Variants in ABCB5 observed in about 807,000 individuals in gnomAD.
The protein encoded by ABCB5 is ATP-binding cassette sub-family B member 5.
Under a neutral mutation model 144.2 loss-of-function variants are expected in ABCB5, and 155 were observed. That is an observed-to-expected ratio of 1.08 (90% CI 0.94 to 1.23). The LOEUF is 1.23. ABCB5 is among the 50% of genes most tolerant of loss of function. The probability of loss-of-function intolerance (pLI) is 0.00; values close to 1 mark genes in which losing one functional copy is unlikely to be tolerated. For synonymous variants in ABCB5, 610 were observed against 528.6 expected, an observed-to-expected ratio of 1.15 and a Z score of -2.11; for missense variants, 1,830 against 1,520.8, an observed-to-expected ratio of 1.20 and a Z score of -3.38.
intron 25 of ABCB5, among the ~76,000 whole-genome samples, chr7:20,744,890 A>ATGGTGT (rs1782672457): frequency 6.6e-6 from 1 of 152,120 alleles, no homozygotes; most frequent in African/African-American, 2.4e-5. Flanking sequence ...CAAATATGAG[A>ATGGTGT]TGGTGTTGTT....
intron 24 of ABCB5, among the ~76,000 whole-genome samples, chr7:20,742,486 T>G (rs1782591620): frequency 1.3e-5 from 2 of 152,216 alleles, no homozygotes; most frequent in African/African-American, 4.8e-5. Context: ...ACATATAGTT[T>G]ATGAGAACCC....
chr7:20,708,048 G>T (rs1016673971), intron 20 of ABCB5, among the ~76,000 whole-genome samples: 1 of 151,708 alleles, frequency 6.6e-6, no homozygotes, highest in Non-Finnish European at 1.5e-5. Flanking sequence ...CTCGTGATCC[G>T]CCCGCCTCGG....
At chr7:20,620,886 T>C (rs1180834134) in intron 1 of ABCB5, among the ~76,000 whole-genome samples, 2 of 152,034 alleles carry the variant, frequency 1.3e-5, no homozygotes, top group Non-Finnish European at 2.9e-5. Context: ...CAATTCTACA[T>C]CTAAGTATAT....
At chr7:20,739,660 T>A (rs1169103891) in intron 24 of ABCB5, among the ~76,000 whole-genome samples, 1 of 152,150 alleles carries the variant, frequency 6.6e-6, no homozygotes, top group East Asian at 1.9e-4. Context: ...TTATACTGAA[T>A]TCTACTGAGA....
intron 20 of ABCB5, among the ~76,000 whole-genome samples, chr7:20,705,219 C>G (rs577642760): frequency 6.6e-6 from 1 of 152,234 alleles, no homozygotes; most frequent in East Asian, 1.9e-4. Context: ...TCTAACAATT[C>G]AGAGTCATGT....
At chr7:20,720,917 C>G (rs1186837244) in intron 20 of ABCB5, among the ~76,000 whole-genome samples, 2 of 122,118 alleles carry the variant, frequency 1.6e-5, no homozygotes, top group Non-Finnish European at 3.2e-5. Context: ...GCACTCCAGC[C>G]TGGGCGACAG....
intron 22 of ABCB5, among the ~76,000 whole-genome samples, chr7:20,727,488 A>G (rs1283206579): frequency 2.0e-5 from 3 of 152,218 alleles, no homozygotes; most frequent in Admixed American, 6.5e-5. Context: ...TAATCCCAGC[A>G]CTTTGGGAGG....
At chr7:20,662,005 C>A (rs1034022241) in intron 14 of ABCB5, among the ~76,000 whole-genome samples, 1 of 152,170 alleles carries the variant, frequency 6.6e-6, no homozygotes, top group Non-Finnish European at 1.5e-5. Flanking sequence ...AGCAGGTTTC[C>A]AAGCTGCCCC....
chr7:20,647,517 C>T lies in ABCB5; in HGVS notation c.982-18C>T. 2 of 1,532,522 alleles carry T rather than the reference C, an allele frequency of 1.3e-6. No individual in the cohort carries two copies. The highest frequency in any genetic ancestry group is 1.7e-6 in the Non-Finnish European group (2 of 1,143,024). The allele number at this position is 1,532,522 out of a possible 1,614,324, so 94.9% of individuals were successfully genotyped here. On this transcript the variant is annotated intron_variant, in intron 9 of 27. Transcript: ENST00000404938. Reference sequence around the variant, plus strand: ...TATAACTGCAGAAAGATAAATATCACTTTGTTTGTTCCTGTAGGTTTTCTT... The same window carrying T: ...TATAACTGCAGAAAGATAAATATCATTTTGTTTGTTCCTGTAGGTTTTCTT...
At chr7:20,651,071 G>A (rs1784567178) in intron 12 of ABCB5, among the ~76,000 whole-genome samples, 2 of 152,298 alleles carry the variant, frequency 1.3e-5, no homozygotes, top group Admixed American at 6.5e-5. Context: ...TAGAAGAAAT[G>A]TAAGGGTCAC....
intron 14 of ABCB5, chr7:20,659,678 A>G: frequency 1.0e-6 from 1 of 987,376 alleles, no homozygotes; most frequent in Non-Finnish European, 1.2e-6. Flanking sequence ...CTAATATTTT[A>G]TTCATTTTTT....
At chr7:20,714,041 G>C (rs983396270) in intron 20 of ABCB5, among the ~76,000 whole-genome samples, 1 of 152,176 alleles carries the variant, frequency 6.6e-6, no homozygotes, top group African/African-American at 2.4e-5. Context: ...GGGTCACCTT[G>C]TTTGTTTGCC....
intron 27 of ABCB5, among the ~76,000 whole-genome samples, chr7:20,754,953 T>C (rs900913663): frequency 6.6e-6 from 1 of 152,040 alleles, no homozygotes; most frequent in Non-Finnish European, 1.5e-5. Flanking sequence ...AGCTAATCTT[T>C]CTTTTTTTTT....
At chr7:20,695,515 C>T (rs1412666620) in intron 16 of ABCB5, among the ~76,000 whole-genome samples, 1 of 151,756 alleles carries the variant, frequency 6.6e-6, no homozygotes, top group East Asian at 1.9e-4. Context: ...AAGCAAAGAT[C>T]TCCTAAATAT....
intron 23 of ABCB5, among the ~76,000 whole-genome samples, chr7:20,732,548 G>A (rs1782256022): frequency 6.6e-6 from 1 of 152,168 alleles, no homozygotes; most frequent in African/African-American, 2.4e-5. Context: ...CAAAATTAAG[G>A]GGGAGATTTG....
intron 20 of ABCB5, among the ~76,000 whole-genome samples, chr7:20,716,636 G>T (rs1006074260): frequency 2.0e-5 from 3 of 152,136 alleles, no homozygotes; most frequent in Non-Finnish European, 4.4e-5. Context: ...AAGATGAATT[G>T]TGGGGACATG....
At position 20,681,504 on chromosome 7, in the gene ABCB5, G is replaced by A. The variant is rs1436496420; in HGVS notation, c.1708-1G>A. The A allele has an allele frequency of 6.2e-7, 1 of 1,613,934 alleles. No individual in the cohort carries two copies. Among genetic ancestry groups the A allele is most frequent in the East Asian group, 2.2e-5 (1 of 44,876 alleles). ...TATTTTCTATGCATTTTATTCTGTA[G>A]GCGAGCAAAGGTCGGACTACAATCG... On this transcript the variant is annotated splice_acceptor_variant, in intron 14 of 27. Transcript: ENST00000404938. LOFTEE classifies it high-confidence loss of function.
intron 27 of ABCB5, among the ~76,000 whole-genome samples, chr7:20,753,925 C>A (rs1197042547): frequency 6.6e-6 from 1 of 152,186 alleles, no homozygotes; most frequent in Non-Finnish European, 1.5e-5. Context: ...ATTCTACCTT[C>A]TACAGACTCA....
chr7:20,641,575 A>G (rs1280894175), intron 5 of ABCB5: 1 of 154,096 alleles, frequency 6.5e-6, no homozygotes, highest in East Asian at 1.9e-4. Flanking sequence ...TGCTAGAGCA[A>G]ACAGGTGGCA....
Sources: gnomAD v4.1 joint callset for allele counts (sites outside exome capture counted in the v4.1 genomes callset) on GRCh38, gnomAD v4.1.1 for gene constraint, MANE v1.5 for transcripts, NCBI Gene and HGNC (gene_info 2026-07-23, HGNC 2026-07-21) for gene names.